The following CLNK variants were observed in gnomAD, a reference collection of about 807,000 sequenced individuals.
CLNK encodes the protein cytokine dependent hematopoietic cell linker, also known as cytokine-dependent hematopoietic cell linker.
A neutral mutation model predicts 68.6 loss-of-function variants in CLNK; 74 were observed. The ratio of observed to expected loss-of-function variants is 1.08; its 90% CI spans 0.89 to 1.31. The LOEUF (loss-of-function observed/expected upper bound fraction) is 1.31. Ranked by LOEUF, CLNK falls within the 50% of genes most tolerant of loss-of-function variation. CLNK has a pLI of 0.00. For missense variants in CLNK, 553 were observed against 515.3 expected (o/e 1.07, Z -0.71); for synonymous variants, 198 against 172.2 (o/e 1.15, Z -1.17).
intron 2 of CLNK, among the ~76,000 whole-genome samples, chr4:10,612,175 GA>G (rs1722057925): frequency 6.6e-6 from 1 of 152,154 alleles, no homozygotes; most frequent in East Asian, 1.9e-4. Context: ...ATCTCTCAGC[GA>G]AAAAAATGAC....
At chr4:10,694,186 A>C in the CLNK span, among the ~76,000 whole-genome samples, 6 of 151,698 alleles carry the variant, frequency 4.0e-5, no homozygotes, top group Admixed American at 6.6e-5. Flanking sequence ...AAGTACAGCC[A>C]AATATACCGC....
intron 7 of CLNK, among the ~76,000 whole-genome samples, chr4:10,562,025 T>G (rs1719908240): frequency 6.6e-6 from 1 of 152,210 alleles, no homozygotes; most frequent in South Asian, 2.1e-4. Context: ...GACTGATTGC[T>G]TTGTGCTTCA....
chr4:10,698,289 C>T, the CLNK span, among the ~76,000 whole-genome samples: 1 of 152,092 alleles, frequency 6.6e-6, no homozygotes, highest in Non-Finnish European at 1.5e-5. Context: ...ATTCTTAATA[C>T]ATTTATAAAC....
chr4:10,720,571 C>T, the CLNK span, among the ~76,000 whole-genome samples: 4 of 151,196 alleles, frequency 2.6e-5, no homozygotes, highest in Non-Finnish European at 4.4e-5. Flanking sequence ...ACTTTAAAAA[C>T]CTCCGCAAAA....
At chr4:10,715,746 T>A in the CLNK span, among the ~76,000 whole-genome samples, 1 of 152,212 alleles carries the variant, frequency 6.6e-6, no homozygotes, top group Non-Finnish European at 1.5e-5. Context: ...ATCACCTGTG[T>A]CAAAATCCCT....
the CLNK span, among the ~76,000 whole-genome samples, chr4:10,719,834 G>GTATTTAAAA: frequency 6.6e-6 from 1 of 151,994 alleles, no homozygotes; most frequent in South Asian, 2.1e-4. Flanking sequence ...AACAAACCTT[G>GTATTTAAAA]GCAAACTTAA....
At chr4:10,513,247 G>T (rs1717676020) in intron 16 of CLNK, among the ~76,000 whole-genome samples, 1 of 152,166 alleles carries the variant, frequency 6.6e-6, no homozygotes, top group Admixed American at 6.5e-5. Context: ...AAACATGCCA[G>T]TCAAAGAATC....
upstream of CLNK, among the ~76,000 whole-genome samples, chr4:10,686,716 A>G (rs1243586219): frequency 6.6e-6 from 1 of 151,680 alleles, no homozygotes; most frequent in Non-Finnish European, 1.5e-5. Flanking sequence ...GGGTGAATGA[A>G]GAAAAGTGAA....
At chr4:10,582,463 GTTTT>G (rs1720816971) in intron 4 of CLNK, among the ~76,000 whole-genome samples, 2 of 152,178 alleles carry the variant, frequency 1.3e-5, no homozygotes, top group South Asian at 4.2e-4. Context: ...CTTCATCAAT[GTTTT>G]TATTATACGT....
intron 2 of CLNK, among the ~76,000 whole-genome samples, chr4:10,626,925 G>A (rs61796789): frequency 0.041 from 6,265 of 152,158 alleles, 187 homozygotes; most frequent in Middle Eastern, 0.092. Context: ...TTCTTCACCT[G>A]TAAAACAGGG....
the CLNK span, among the ~76,000 whole-genome samples, chr4:10,732,603 G>C: frequency 6.6e-6 from 1 of 152,020 alleles, no homozygotes; most frequent in South Asian, 2.1e-4. Context: ...TAACTCTGAA[G>C]TTCCATGGCA....
intron 14 of CLNK, among the ~76,000 whole-genome samples, chr4:10,525,605 T>C (rs1202123332): frequency 2.0e-5 from 3 of 152,222 alleles, no homozygotes. Flanking sequence ...TAATATTTAA[T>C]CCTTAAAATT....
intron 8 of CLNK, among the ~76,000 whole-genome samples, chr4:10,554,300 C>A (rs1489579953): frequency 4.6e-5 from 7 of 152,148 alleles, no homozygotes; most frequent in Admixed American, 3.3e-4. Context: ...ATGGGGAAGG[C>A]CGTACTTTGC....
the CLNK span, among the ~76,000 whole-genome samples, chr4:10,734,287 G>A: frequency 6.6e-6 from 1 of 152,186 alleles, no homozygotes; most frequent in Admixed American, 6.5e-5. Flanking sequence ...ATAAATCTAC[G>A]ATTGATTGCA....
At chr4:10,560,424 T>C (rs1438406752) in intron 7 of CLNK, among the ~76,000 whole-genome samples, 1 of 152,200 alleles carries the variant, frequency 6.6e-6, no homozygotes, top group Non-Finnish European at 1.5e-5. Context: ...TTTTTCTTTC[T>C]TTTTATTTTC....
intron 2 of CLNK, among the ~76,000 whole-genome samples, chr4:10,599,127 T>C (rs1721492364): frequency 6.6e-6 from 1 of 152,242 alleles, no homozygotes; most frequent in Admixed American, 6.5e-5. Context: ...GTAACTTGTG[T>C]TCACATCTGA....
the CLNK span, among the ~76,000 whole-genome samples, chr4:10,733,877 A>G: frequency 2.6e-5 from 4 of 152,266 alleles, no homozygotes; most frequent in Non-Finnish European, 2.9e-5. Context: ...TCCATCATAC[A>G]TAAGTGCCAT....
intron 3 of CLNK, among the ~76,000 whole-genome samples, chr4:10,589,608 A>C (rs1224944207): frequency 1.4e-5 from 2 of 145,998 alleles, no homozygotes; most frequent in Non-Finnish European, 3.0e-5. Flanking sequence ...GAAACAAAGC[A>C]GGGAGGGAAA....
At chr4:10,710,814 C>T in the CLNK span, among the ~76,000 whole-genome samples, 4 of 152,180 alleles carry the variant, frequency 2.6e-5, no homozygotes, top group Non-Finnish European at 5.9e-5. Flanking sequence ...TCCTCACACT[C>T]AGGTTCTGCC....
Sources: allele counts gnomAD v4.1 joint callset (sites outside exome capture counted in the v4.1 genomes callset), GRCh38; gene constraint gnomAD v4.1.1; transcripts MANE v1.5; gene names NCBI Gene and HGNC (gene_info 2026-07-23, HGNC 2026-07-21).